Variants in MSANTD2 observed in about 807,000 individuals in gnomAD.
MSANTD2 encodes Myb/SANT DNA binding domain containing 2.
In MSANTD2, 19 loss-of-function variants were observed where a neutral mutation model predicts 52.6. The observed-to-expected ratio is 0.36, with a 90% confidence interval of 0.25 to 0.53. The LOEUF (loss-of-function observed/expected upper bound fraction) is 0.53. MSANTD2 is among the 20% of genes least tolerant of loss of function. The pLI is 0.91. For synonymous variants in MSANTD2, 291 were observed against 289.7 expected, an observed-to-expected ratio of 1.00 and a Z score of -0.04; for missense variants, 558 against 716.3, an observed-to-expected ratio of 0.78 and a Z score of 2.52.
chr11:124,784,191 A>G (rs1468315914), intron 1 of MSANTD2: 3 of 985,166 alleles, frequency 3.0e-6, no homozygotes, highest in Non-Finnish European at 3.6e-6. Context: ...CAAAGAACTG[A>G]CTGGGATTAG....
intron 1 of MSANTD2, chr11:124,791,615 G>T: frequency 6.8e-7 from 1 of 1,480,232 alleles, no homozygotes; most frequent in Non-Finnish European, 9.4e-7. Context: ...ATATCAGTGG[G>T]ATCGGCAGCT....
intron 3 of MSANTD2, among the ~76,000 whole-genome samples, chr11:124,772,181 T>C (rs1222164056): frequency 6.6e-6 from 1 of 152,166 alleles, no homozygotes; most frequent in East Asian, 1.9e-4. Flanking sequence ...AAATGTATAA[T>C]AGGTCATCTA....
At chr11:124,775,058 C>T (rs1458185310) in intron 1 of MSANTD2, 84 bp from the exon 2 acceptor site, 1 of 1,179,652 alleles carries the variant, frequency 8.5e-7, no homozygotes, top group Non-Finnish European at 1.2e-6. Context: ...TACTATTAGA[C>T]AGACACAGAC....
intron 1 of MSANTD2, among the ~76,000 whole-genome samples, chr11:124,778,039 CAA>C (rs1944809832): frequency 6.6e-6 from 1 of 152,108 alleles, no homozygotes; most frequent in Non-Finnish European, 1.5e-5. Flanking sequence ...CACAATAAAG[CAA>C]AAGAGGTTAC....
At chr11:124,795,882 T>C (rs564814444) in intron 1 of MSANTD2, among the ~76,000 whole-genome samples, 21 of 152,252 alleles carry the variant, frequency 1.4e-4, no homozygotes, top group Middle Eastern at 3.4e-3. Context: ...CTGGAATTGT[T>C]AGTAGACAAA....
At chr11:124,799,629 T>C (rs35801800) in intron 1 of MSANTD2, among the ~76,000 whole-genome samples, 6,423 of 151,948 alleles carry the variant, frequency 0.042, 181 homozygotes, top group Middle Eastern at 0.065. Flanking sequence ...AACATCTCAA[T>C]TGGCAAGAAA....
At chr11:124,796,978 A>T (rs906543795) in intron 1 of MSANTD2, among the ~76,000 whole-genome samples, 2 of 152,320 alleles carry the variant, frequency 1.3e-5, no homozygotes, top group African/African-American at 4.8e-5. Flanking sequence ...GAGTTACTTG[A>T]ACATCCACTT....
intron 1 of MSANTD2, among the ~76,000 whole-genome samples, chr11:124,785,300 T>C (rs1591465145): frequency 1.3e-5 from 2 of 152,358 alleles, no homozygotes; most frequent in African/African-American, 2.4e-5. Context: ...CTAAGCAATT[T>C]ACATGATCAT....
intron 3 of MSANTD2, among the ~76,000 whole-genome samples, chr11:124,772,226 T>C (rs1944551375): frequency 6.6e-6 from 1 of 152,218 alleles, no homozygotes; most frequent in South Asian, 2.1e-4. Flanking sequence ...ATACTTCAGG[T>C]GTCCCTCTGG....
At position 124,784,556 on chromosome 11, in the gene MSANTD2, G is replaced by C. The variant is rs1296703526; in HGVS notation, c.511-9582C>G. On this transcript the variant is annotated intron_variant, in intron 1 of 3. Transcript: ENST00000374979. Reference sequence around the variant, plus strand: ...CATCGTATTGCTTCCCAAATACGAAGGTGTTTCCATTCATGAGACCAATGT... The same window carrying C: ...CATCGTATTGCTTCCCAAATACGAACGTGTTTCCATTCATGAGACCAATGT... 4 of 985,018 alleles carry C rather than the reference G, an allele frequency of 4.1e-6. No individual in the cohort carries two copies. In the African/African-American group the frequency reaches 5.2e-5, roughly 13 times the overall value. The allele number at this position is 985,018 out of a possible 1,614,324, so 61.0% of individuals were successfully genotyped here. A position where few individuals can be genotyped will look rare whatever the true frequency, so the allele number is the denominator to read the frequency against.
rs541961304 is a variant in MSANTD2, at chr11:124,771,700, A to G, written c.827+1294T>C. On this transcript the variant is annotated intron_variant, in intron 3 of 3. Coordinates refer to ENST00000374979, the MANE Select transcript of MSANTD2 (RefSeq NM_001308027.2). ...GGTGCTCACAGTGAGCCAAGATTGCACCACTGCGCTCCAGCCTGGGTGATG... is the reference window on the plus strand; with the variant it reads ...GGTGCTCACAGTGAGCCAAGATTGCGCCACTGCGCTCCAGCCTGGGTGATG... Among the ~76,000 whole-genome samples, 6 of 152,316 alleles carry G rather than the reference A, an allele frequency of 3.9e-5. No homozygotes were observed. In the East Asian group the frequency reaches 1.2e-3, roughly 29 times the overall value.
chr11:124,786,048 T>C (rs1057283293), intron 1 of MSANTD2, among the ~76,000 whole-genome samples: 1 of 151,316 alleles, frequency 6.6e-6, no homozygotes, highest in East Asian at 1.9e-4. Flanking sequence ...TTAGTTTAAG[T>C]AAACATATTT....
chr11:124,780,266 G>T (rs1393161470), intron 1 of MSANTD2, among the ~76,000 whole-genome samples: 1 of 152,068 alleles, frequency 6.6e-6, no homozygotes, highest in Admixed American at 6.5e-5. Flanking sequence ...AATTACTTAA[G>T]GCAAAATCCA....
In MSANTD2 at chr11:124,799,916, C is replaced by T. The variant is rs544509702; in HGVS notation, c.465G>A (p.Glu155=). 121 of 1,585,354 alleles carry T rather than the reference C, an allele frequency of 7.6e-5. No individual in the cohort carries two copies. In the Admixed American group the frequency reaches 1.3e-3, roughly 17 times the overall value. Residue 155 remains glutamate, a synonymous_variant, in exon 1 of 4, where the codon GAG becomes GAA. Transcript: ENST00000374979. Reference sequence around the variant, plus strand: ...GGGACGGGGTCCGCTCGTAGCCCAGCTCGGCCAGGGCCCGGGACACGCGCT... The same window carrying T: ...GGGACGGGGTCCGCTCGTAGCCCAGTTCGGCCAGGGCCCGGGACACGCGCT... ...MYERVSRALA[E]LGYERTPSQC...
At position 124,768,016 on chromosome 11, in the gene MSANTD2, G is replaced by C; in HGVS notation, c.840C>G (p.Ile280Met). The C allele has an allele frequency of 6.2e-7, 1 of 1,600,454 alleles. No individual in the cohort carries two copies. Among genetic ancestry groups the C allele is most frequent in the Non-Finnish European group, 8.5e-7 (1 of 1,170,188 alleles). Residue 280 changes from isoleucine to methionine, a missense_variant, in exon 4 of 4, where the codon ATC becomes ATG. Around this residue, in one of 2 missense-constraint regions of MSANTD2, gnomAD observed 408 missense variants for 573.6 expected, o/e 0.71. Coordinates refer to ENST00000374979, the MANE Select transcript of MSANTD2 (RefSeq NM_001308027.2). ...ESSEEAQKRD[I>M]MQNIVQILES... is the part of the protein sequence containing the mutation. ...CCAAAATCTGTACAATATTCTGCAT[G>C]ATGTCTCTCTTCCTGGAAAGACAAA... is the stretch of plus-strand genomic sequence containing the variant.
chr11:124,767,503 C>G lies in MSANTD2; in HGVS notation c.1353G>C (p.Arg451=), dbSNP rs1565446855. 6.2e-7 allele frequency: 1 copy of G among 1,614,154 alleles called. No homozygotes were observed. Among genetic ancestry groups the G allele is most frequent in the South Asian group, 1.1e-5 (1 of 91,082 alleles). ...QSSLDPGKEG[R]VDLETLSAQA... ...GTGCTGAAAGGGTTTCCAGGTCAAC[C>G]CGGCCCTCTTTTCCTGGGTCCAGGG... is the stretch of plus-strand genomic sequence containing the variant. The change falls in exon 4 of 4, where the codon CGG becomes CGC. Residue 451 remains arginine, a synonymous_variant. Transcript: ENST00000374979. The surrounding 1 kb of genome is among the most constrained non-coding windows in gnomAD (Gnocchi z 6.5).
At chr11:124,775,920 A>G (rs987575035) in intron 1 of MSANTD2, 3 of 152,242 alleles carry the variant, frequency 2.0e-5, no homozygotes, top group African/African-American at 7.2e-5. Context: ...CCTGAATTTA[A>G]TGGTACATCT....
intron 1 of MSANTD2, chr11:124,791,637 A>G (rs1284242933): frequency 1.0e-5 from 15 of 1,478,580 alleles, no homozygotes; most frequent in Admixed American, 3.4e-5. Flanking sequence ...CCATCCTTCC[A>G]GACTTTCTTT....
At position 124,790,059 on chromosome 11, in the gene MSANTD2, C is replaced by G. The variant is rs1383883916; in HGVS notation, c.510+9812G>C. 3 of 152,326 alleles carry G rather than the reference C, an allele frequency of 2.0e-5. No homozygotes were observed. In the East Asian group the frequency reaches 5.8e-4, roughly 29 times the overall value. 9.4% of individuals were successfully genotyped at this position (152,326 alleles called of 1,614,324 possible). A position where few individuals can be genotyped will look rare whatever the true frequency, so the allele number is the denominator to read the frequency against. ...TTATTTCGTTTGTTTTAACATTACACAGATACAATTTTCCATAGAAAACAA... is the reference window on the plus strand; with the variant it reads ...TTATTTCGTTTGTTTTAACATTACAGAGATACAATTTTCCATAGAAAACAA... On this transcript the variant is annotated intron_variant, in intron 1 of 3. Transcript: ENST00000374979.
Sources: gnomAD v4.1 joint callset for allele counts (sites outside exome capture counted in the v4.1 genomes callset) on GRCh38, gnomAD v4.1.1 for gene constraint, gnomAD v4.1.1 regional missense constraint, Gnocchi (gnomAD v3.1) non-coding constraint, MANE v1.5 for transcripts, NCBI Gene and HGNC (gene_info 2026-07-23, HGNC 2026-07-21) for gene names.